TMEM108: variants seen among roughly 807,000 people sequenced by gnomAD.
The protein encoded by TMEM108 is transmembrane protein 108.
In TMEM108, 12 loss-of-function variants were observed where a neutral mutation model predicts 35.1. The ratio of observed to expected loss-of-function variants is 0.34; its 90% CI spans 0.22 to 0.55. The LOEUF (loss-of-function observed/expected upper bound fraction) is 0.55, where lower values mean the gene tolerates loss of function less well. TMEM108 is among the 20% of genes least tolerant of loss of function. The pLI is 0.89. For synonymous variants in TMEM108, 287 were observed against 308.6 expected, an observed-to-expected ratio of 0.93 and a Z score of 0.73; for missense variants, 680 against 753.3, an observed-to-expected ratio of 0.90 and a Z score of 1.14.
chr3:133,204,456 G>A (rs1576380848), intron 2 of TMEM108, among the ~76,000 whole-genome samples: 1 of 152,022 alleles, frequency 6.6e-6, no homozygotes, highest in Non-Finnish European at 1.5e-5. Flanking sequence ...AAATTTTCCT[G>A]TAAACACTGC....
intron 2 of TMEM108, among the ~76,000 whole-genome samples, chr3:133,221,660 C>CTTTTTTTT (rs3078806): frequency 3.0e-4 from 18 of 60,358 alleles, no homozygotes; most frequent in East Asian, 6.1e-4. Flanking sequence ...ACATTGATTC[C>CTTTTTTTT]TTTTTTTTTT....
intron 2 of TMEM108, among the ~76,000 whole-genome samples, chr3:133,100,551 G>C (rs1257884321): frequency 6.6e-6 from 1 of 152,194 alleles, no homozygotes; most frequent in East Asian, 1.9e-4. Context: ...ACTGAAGTGA[G>C]CCATCATCAT....
At chr3:133,201,801 T>C (rs1487821346) in intron 2 of TMEM108, among the ~76,000 whole-genome samples, 2 of 152,244 alleles carry the variant, frequency 1.3e-5, no homozygotes, top group African/African-American at 4.8e-5. Context: ...TTTATAATAC[T>C]GTGGGTATAT....
intron 2 of TMEM108, among the ~76,000 whole-genome samples, chr3:133,177,882 TGC>T (rs1355964221): frequency 5.3e-5 from 8 of 152,180 alleles, no homozygotes; most frequent in Non-Finnish European, 1.0e-4. Flanking sequence ...TGTCCCTGTT[TGC>T]AGATGACATG....
At chr3:133,083,530 T>C (rs1943842153) in intron 2 of TMEM108, among the ~76,000 whole-genome samples, 1 of 152,204 alleles carries the variant, frequency 6.6e-6, no homozygotes, top group South Asian at 2.1e-4. Flanking sequence ...TTATAAGGAC[T>C]GTGGACTGAA....
intron 3 of TMEM108, among the ~76,000 whole-genome samples, chr3:133,231,046 ATAC>A (rs1461010262): frequency 1.3e-5 from 2 of 152,188 alleles, no homozygotes; most frequent in African/African-American, 2.4e-5. Context: ...TGACATGCAT[ATAC>A]ACACAATAGC....
At chr3:133,070,675 G>A (rs1033473164) in intron 2 of TMEM108, among the ~76,000 whole-genome samples, 1 of 152,000 alleles carries the variant, frequency 6.6e-6, no homozygotes, top group African/African-American at 2.4e-5. Flanking sequence ...CCTGGTAGGC[G>A]ACCCACAGAA....
intron 2 of TMEM108, among the ~76,000 whole-genome samples, chr3:133,227,969 A>C (rs1313673006): frequency 6.6e-6 from 1 of 152,218 alleles, no homozygotes; most frequent in Non-Finnish European, 1.5e-5. Flanking sequence ...GTTTATATAA[A>C]ATGTCCAGAA....
intron 3 of TMEM108, among the ~76,000 whole-genome samples, chr3:133,351,832 C>T (rs1407042675): frequency 6.6e-6 from 1 of 152,150 alleles, no homozygotes; most frequent in Non-Finnish European, 1.5e-5. Context: ...ACCTCCAGTT[C>T]CTCTCAGGCT....
chr3:133,080,376 G>C (rs1003658653), intron 2 of TMEM108, among the ~76,000 whole-genome samples: 1 of 152,150 alleles, frequency 6.6e-6, no homozygotes, highest in Non-Finnish European at 1.5e-5. Flanking sequence ...TTTACATAAA[G>C]TATGATGCAG....
intron 3 of TMEM108, among the ~76,000 whole-genome samples, chr3:133,370,817 T>C (rs1030652397): frequency 2.0e-5 from 3 of 151,608 alleles, no homozygotes; most frequent in African/African-American, 7.3e-5. Context: ...GTCCTCAATA[T>C]GCAGACACCA....
At chr3:133,254,169 C>G (rs1228929222) in intron 3 of TMEM108, among the ~76,000 whole-genome samples, 2 of 152,170 alleles carry the variant, frequency 1.3e-5, no homozygotes, top group Non-Finnish European at 2.9e-5. Flanking sequence ...AAGATCTCAT[C>G]TCTACCAAAA....
chr3:133,149,409 A>C (rs944226896), intron 2 of TMEM108, among the ~76,000 whole-genome samples: 1 of 152,200 alleles, frequency 6.6e-6, no homozygotes, highest in Non-Finnish European at 1.5e-5. Flanking sequence ...TTAAGTATAC[A>C]ATACATTATA....
In TMEM108 at chr3:133,379,736, C is replaced by G. The variant is rs769108977; in HGVS notation, c.41-16C>G. 6.2e-6 allele frequency: 10 copies of G among 1,608,882 alleles called. No homozygotes were observed. Among genetic ancestry groups the G allele is most frequent in the South Asian group, 2.2e-5 (2 of 90,208 alleles). On this transcript the variant is annotated splice_polypyrimidine_tract_variant and intron_variant, in intron 3 of 5. Coordinates refer to ENST00000321871, the MANE Select transcript of TMEM108 (RefSeq NM_023943.4). ...TCCCCAAGTATTTTACCTCTTCTCTCTGTCTCCTTTTCAAGGTTTCCTGCT... is the reference window on the plus strand; with the variant it reads ...TCCCCAAGTATTTTACCTCTTCTCTGTGTCTCCTTTTCAAGGTTTCCTGCT...
intron 2 of TMEM108, among the ~76,000 whole-genome samples, chr3:133,195,058 A>G (rs1945557287): frequency 6.6e-6 from 1 of 152,222 alleles, no homozygotes; most frequent in Non-Finnish European, 1.5e-5. Context: ...ATAAACAAAA[A>G]GTTCACATCC....
intron 3 of TMEM108, among the ~76,000 whole-genome samples, chr3:133,371,889 T>G (rs1297707259): frequency 6.6e-6 from 1 of 152,194 alleles, no homozygotes; most frequent in Non-Finnish European, 1.5e-5. Flanking sequence ...CCCTGGCAGC[T>G]TCCACTTCAG....
chr3:133,176,382 C>G (rs189775948), intron 2 of TMEM108, among the ~76,000 whole-genome samples: 1 of 152,252 alleles, frequency 6.6e-6, no homozygotes, highest in African/African-American at 2.4e-5. Flanking sequence ...TTTTTCAGCA[C>G]CACATCGCTC....
At chr3:133,277,182 T>C (rs895263233) in intron 3 of TMEM108, among the ~76,000 whole-genome samples, 1 of 152,190 alleles carries the variant, frequency 6.6e-6, no homozygotes, top group African/African-American at 2.4e-5. Flanking sequence ...AAAATTTGAA[T>C]ATAGGTCATT....
chr3:133,326,772 G>A (rs944308097), intron 3 of TMEM108, among the ~76,000 whole-genome samples: 4 of 152,148 alleles, frequency 2.6e-5, no homozygotes, highest in African/African-American at 9.7e-5. Flanking sequence ...GAAAGTCCTG[G>A]GTTCAAATTC....
Sources: gnomAD v4.1 joint callset for allele counts (sites outside exome capture counted in the v4.1 genomes callset) on GRCh38, gnomAD v4.1.1 for gene constraint, MANE v1.5 for transcripts, NCBI Gene and HGNC (gene_info 2026-07-23, HGNC 2026-07-21) for gene names.